The following CTNNA3 variants were observed in gnomAD, a reference collection of about 807,000 sequenced individuals.
CTNNA3 encodes the protein catenin alpha 3, also known as catenin alpha-3.
A neutral mutation model predicts 95.7 loss-of-function variants in CTNNA3; 76 were observed. That is an observed-to-expected ratio of 0.79 (90% CI 0.66 to 0.96). The LOEUF (loss-of-function observed/expected upper bound fraction) is 0.96, where lower values mean the gene tolerates loss of function less well. CTNNA3 is among the 40% of genes least tolerant of loss of function. The pLI, the probability that CTNNA3 is intolerant of heterozygous loss-of-function variation, is 0.00. For synonymous variants in CTNNA3, 431 were observed against 374.4 expected (o/e 1.15, Z -1.74); for missense variants, 1,191 against 1,089.8 (o/e 1.09, Z -1.31).
At chr10:67,566,807 G>A (rs1259372201) in intron 3 of CTNNA3, among the ~76,000 whole-genome samples, 1 of 152,068 alleles carries the variant, frequency 6.6e-6, no homozygotes. Context: ...TTAAGAAAAT[G>A]TGGCACATAT....
At chr10:66,199,805 A>ATATATGTATATATATATATTTTTTT (rs1564756586) in intron 13 of CTNNA3, among the ~76,000 whole-genome samples, 1 of 14,292 alleles carries the variant, frequency 7.0e-5, no homozygotes, top group Non-Finnish European at 1.1e-4. Context: ...ATATATATAT[A>ATATATGTATATATATATATTTTTTT]TTTTTTTTTT....
intron 5 of CTNNA3, among the ~76,000 whole-genome samples, chr10:67,272,534 T>A (rs897202914): frequency 1.3e-5 from 2 of 152,080 alleles, no homozygotes; most frequent in African/African-American, 2.4e-5. Flanking sequence ...GCCTGAGCGA[T>A]AGGGTAAGAC....
chr10:67,719,455 C>CT (rs1414183155), intron 1 of CTNNA3, among the ~76,000 whole-genome samples: 67 of 152,290 alleles, frequency 4.4e-4, no homozygotes, highest in Non-Finnish European at 6.5e-4. Flanking sequence ...AAATTTCCCT[C>CT]TAACCACTGC....
intron 1 of CTNNA3, among the ~76,000 whole-genome samples, chr10:67,747,329 G>T (rs1311379125): frequency 6.6e-6 from 1 of 152,212 alleles, no homozygotes; most frequent in African/African-American, 2.4e-5. Context: ...CCCAACAGGG[G>T]TCACCGGACA....
intron 7 of CTNNA3, among the ~76,000 whole-genome samples, chr10:67,010,706 A>G (rs1022013175): frequency 6.6e-6 from 1 of 152,234 alleles, no homozygotes; most frequent in Non-Finnish European, 1.5e-5. Flanking sequence ...GCAAGAAAGA[A>G]GAGTGTTAGC....
intron 11 of CTNNA3, among the ~76,000 whole-genome samples, chr10:66,417,839 C>CA (rs1287878000): frequency 6.6e-6 from 1 of 151,700 alleles, no homozygotes; most frequent in African/African-American, 2.4e-5. Flanking sequence ...CAAAATATAT[C>CA]AAAATCTGTG....
chr10:66,023,117 G>A (rs979696503), intron 15 of CTNNA3, among the ~76,000 whole-genome samples: 1 of 152,152 alleles, frequency 6.6e-6, no homozygotes, highest in Non-Finnish European at 1.5e-5. Flanking sequence ...CTAGTACTTA[G>A]AACAAAACAT....
intron 12 of CTNNA3, among the ~76,000 whole-genome samples, chr10:66,321,900 A>C (rs2092192438): frequency 6.6e-6 from 1 of 152,152 alleles, no homozygotes. Flanking sequence ...ATCTACAATT[A>C]AATAGTTCAG....
At position 67,052,311 on chromosome 10, in the gene CTNNA3, TCA is replaced by T. The variant is rs58264842; in HGVS notation, c.1047+128004_1047+128005del. On this transcript the variant is annotated intron_variant, in intron 7 of 17. Coordinates refer to ENST00000433211, the MANE Select transcript of CTNNA3 (RefSeq NM_013266.4). ...ACAGAAGAATCTTCACACCCACTCA[TCA>T]CTCTCTCTCTCTCTCTCTCTCTCTC... is the stretch of plus-strand genomic sequence containing the variant. Among the ~76,000 whole-genome samples, 287 of 99,520 alleles carry T rather than the reference TCA, an allele frequency of 2.9e-3. 3 individuals carry two copies. The highest frequency in any genetic ancestry group is 0.01 in the African/African-American group (274 of 26,400). 65.3% of individuals were successfully genotyped at this position (99,520 alleles called of 152,430 possible). A position where few individuals can be genotyped will look rare whatever the true frequency, so the allele number is the denominator to read the frequency against.
intron 10 of CTNNA3, among the ~76,000 whole-genome samples, chr10:66,594,212 T>C (rs932091003): frequency 1.3e-5 from 2 of 152,144 alleles, no homozygotes; most frequent in Admixed American, 6.5e-5. Flanking sequence ...TCTTGCCCTT[T>C]TAGCACATTC....
chr10:67,686,652 C>A (rs183420014), intron 1 of CTNNA3, among the ~76,000 whole-genome samples: 1 of 152,244 alleles, frequency 6.6e-6, no homozygotes, highest in East Asian at 1.9e-4. Context: ...TAGCCTCTGA[C>A]ACTAAGACAG....
intron 6 of CTNNA3, among the ~76,000 whole-genome samples, chr10:67,193,924 C>T (rs1330748725): frequency 6.6e-6 from 1 of 152,062 alleles, no homozygotes; most frequent in African/African-American, 2.4e-5. Context: ...ATTTAGGCTC[C>T]CACTAGCTGT....
intron 5 of CTNNA3, among the ~76,000 whole-genome samples, chr10:67,373,574 A>G (rs1379971759): frequency 6.6e-6 from 1 of 152,172 alleles, no homozygotes; most frequent in East Asian, 1.9e-4. Flanking sequence ...CATGAGACAG[A>G]AAGTTAACAA....
chr10:66,426,904 T>C (rs889016627), intron 11 of CTNNA3, among the ~76,000 whole-genome samples: 2 of 151,690 alleles, frequency 1.3e-5, no homozygotes, highest in African/African-American at 4.8e-5. Flanking sequence ...TTTTCATATA[T>C]ATTTTAAATC....
chr10:66,111,323 T>C (rs988405885), intron 13 of CTNNA3, among the ~76,000 whole-genome samples: 1 of 152,214 alleles, frequency 6.6e-6, no homozygotes, highest in East Asian at 1.9e-4. Flanking sequence ...CCATGCTTCC[T>C]GTACAGCCTG....
chr10:67,422,449 A>G (rs1845778281), intron 5 of CTNNA3, among the ~76,000 whole-genome samples: 1 of 152,144 alleles, frequency 6.6e-6, no homozygotes, highest in Non-Finnish European at 1.5e-5. Context: ...GGTAAACAAG[A>G]GCTTCTTGTA....
At chr10:66,280,437 G>C in intron 13 of CTNNA3, 33 bp downstream of exon 13, 1 of 1,579,188 alleles carries the variant, frequency 6.3e-7, no homozygotes, top group East Asian at 2.3e-5. Flanking sequence ...GAAGAACATT[G>C]CAATAATTCA....
At chr10:66,885,924 C>A (rs1916376) in intron 7 of CTNNA3, among the ~76,000 whole-genome samples, 69,826 of 151,890 alleles carry the variant, frequency 0.46, 16,438 homozygotes, top group Non-Finnish European at 0.51. Context: ...TGGATAACTG[C>A]CCAACCAACT....
intron 13 of CTNNA3, among the ~76,000 whole-genome samples, chr10:66,190,543 A>G (rs1295673478): frequency 6.6e-6 from 1 of 152,126 alleles, no homozygotes; most frequent in Non-Finnish European, 1.5e-5. Context: ...ACAAACCACT[A>G]CTCAGTTAAT....
Sources: gnomAD v4.1 joint callset for allele counts (sites outside exome capture counted in the v4.1 genomes callset) on GRCh38, gnomAD v4.1.1 for gene constraint, MANE v1.5 for transcripts, NCBI Gene and HGNC (gene_info 2026-07-23, HGNC 2026-07-21) for gene names.